Variants in PCDHA3 observed in about 807,000 individuals in gnomAD.
The protein encoded by PCDHA3 is protocadherin alpha-3.
In PCDHA3, 41 loss-of-function variants were observed where a neutral mutation model predicts 62.2. The observed-to-expected ratio is 0.66, with a 90% CI of 0.51 to 0.86. The LOEUF (loss-of-function observed/expected upper bound fraction) is 0.86, where lower values mean the gene tolerates loss of function less well. Among genes scored for constraint, PCDHA3 ranks in the 40% least tolerant of loss-of-function variants. PCDHA3 has a pLI of 0.00. For missense variants in PCDHA3, 1,304 were observed against 1,241.2 expected (o/e 1.05, Z -0.76); for synonymous variants, 640 against 555.4 (o/e 1.15, Z -2.14).
At position 140,857,270 on chromosome 5, in the gene PCDHA3, C is replaced by T. The variant is rs782277671; in HGVS notation, c.2394+53679C>T. On this transcript the variant is annotated intron_variant, in intron 1 of 3. Coordinates refer to ENST00000522353, the MANE Select transcript of PCDHA3 (RefSeq NM_018906.3). ...CTACAAGAATTACTACTCATTGGTG[C>T]TGGACAGCGCTCTGGACCGCGAGAG... 5.0e-6 allele frequency: 8 copies of T among 1,598,754 alleles called. 2 individuals are homozygous for T. The highest frequency in any genetic ancestry group is 4.3e-6 in the Non-Finnish European group (5 of 1,168,052).
At chr5:140,865,351 A>G (rs1452149063) in intron 1 of PCDHA3, 4 of 152,204 alleles carry the variant, frequency 2.6e-5, no homozygotes, top group African/African-American at 7.2e-5. Context: ...GTATATTTAC[A>G]TATTGCAGGA....
At chr5:140,863,363 TG>T (rs1554158141) in intron 1 of PCDHA3, 2 of 1,206,158 alleles carry the variant, frequency 1.7e-6, no homozygotes, top group Non-Finnish European at 1.2e-6. Context: ...CTGCGGTGCT[TG>T]GCGCAGCTCA....
Position 140,850,315 on chromosome 5 carries a change from T to G in PCDHA3, c.2394+46724T>G, listed in dbSNP as rs2150479120. 2.9e-5 allele frequency: 47 copies of G among 1,597,110 alleles called. 5 individuals are homozygous for G. Among genetic ancestry groups the G allele is most frequent in the Non-Finnish European group, 3.9e-5 (45 of 1,167,642 alleles). On this transcript the variant is annotated intron_variant, in intron 1 of 3. Coordinates refer to ENST00000522353, the MANE Select transcript of PCDHA3 (RefSeq NM_018906.3). ...GCCGACTCGGGCTACAACGCGTGGC[T>G]TTCATACGAGCTGCAGCCAGAAACG... is the stretch of plus-strand genomic sequence containing the variant.
chr5:140,924,052 A>G (rs948483906), intron 1 of PCDHA3, among the ~76,000 whole-genome samples: 1 of 152,244 alleles, frequency 6.6e-6, no homozygotes, highest in Non-Finnish European at 1.5e-5. Context: ...AGTTCGGTAC[A>G]TCTTTACAGT....
At chr5:140,948,860 T>C (rs2094315023) in intron 1 of PCDHA3, among the ~76,000 whole-genome samples, 2 of 151,640 alleles carry the variant, frequency 1.3e-5, no homozygotes, top group Non-Finnish European at 3.0e-5. Flanking sequence ...CTTCTTATAT[T>C]ACTTCGGGTT....
intron 1 of PCDHA3, chr5:140,809,188 G>T (rs372654960): frequency 4.8e-5 from 78 of 1,613,914 alleles, no homozygotes; most frequent in Non-Finnish European, 6.4e-5. Context: ...CTGTGCTGGT[G>T]TCACTTGTGG....
intron 1 of PCDHA3, chr5:140,884,652 G>A (rs2060303446): frequency 6.2e-7 from 1 of 1,603,582 alleles, no homozygotes; most frequent in Non-Finnish European, 8.5e-7. Flanking sequence ...GACTCAGAAT[G>A]CTTGAAAGAG....
At chr5:140,821,966 G>A (rs1280808656) in intron 1 of PCDHA3, 5 of 1,614,052 alleles carry the variant, frequency 3.1e-6, no homozygotes, top group Non-Finnish European at 4.2e-6. Context: ...CGCCTGTTCC[G>A]GGTGGCGTCC....
At chr5:141,006,403 C>T (rs2098271999) in intron 3 of PCDHA3, among the ~76,000 whole-genome samples, 1 of 151,934 alleles carries the variant, frequency 6.6e-6, no homozygotes, top group Non-Finnish European at 1.5e-5. Context: ...TTAGTAGAGA[C>T]GCGGTTTCAC....
intron 1 of PCDHA3, chr5:140,830,140 G>A (rs1305649998): frequency 1.2e-6 from 2 of 1,613,352 alleles, no homozygotes; most frequent in Non-Finnish European, 8.5e-7. Context: ...CACGGGCGTC[G>A]GTGGGCGCCG....
chr5:140,928,903 T>C, intron 1 of PCDHA3: 1 of 1,614,190 alleles, frequency 6.2e-7, no homozygotes, highest in Non-Finnish European at 8.5e-7. Flanking sequence ...TGAAGATGTC[T>C]GGGAACCAGG....
At chr5:140,969,162 C>T in intron 1 of PCDHA3, 1 of 1,614,110 alleles carries the variant, frequency 6.2e-7, no homozygotes, top group Non-Finnish European at 8.5e-7. Flanking sequence ...TGTCTGACAG[C>T]AGGCTCAGGG....
chr5:140,868,478 A>AT (rs1444050987), intron 1 of PCDHA3: 1 of 152,364 alleles, frequency 6.6e-6, no homozygotes, highest in Admixed American at 6.5e-5. Context: ...TAAAACTTCA[A>AT]TTTTTTCTTT....
chr5:140,823,389 C>A lies in PCDHA3; in HGVS notation c.2394+19798C>A, dbSNP rs199642773. 1.6e-5 allele frequency: 25 copies of A among 1,612,876 alleles called. No individual in the cohort carries two copies. The highest frequency in any genetic ancestry group is 1.7e-4 in the Middle Eastern group (1 of 5,730). On this transcript the variant is annotated intron_variant, in intron 1 of 3. Coordinates refer to ENST00000522353, the MANE Select transcript of PCDHA3 (RefSeq NM_018906.3). ...TGCAGTTCCAGGTGAGCGCGCGCGACGCGGGCGTGCCGCCTCTGGGCAGCA... is the reference window on the plus strand; with the variant it reads ...TGCAGTTCCAGGTGAGCGCGCGCGAAGCGGGCGTGCCGCCTCTGGGCAGCA...
chr5:140,861,885 C>G (rs2047123718), intron 1 of PCDHA3: 1 of 155,106 alleles, frequency 6.4e-6, no homozygotes, highest in Non-Finnish European at 1.4e-5. Flanking sequence ...GCTGAGCTGA[C>G]AGGCACCAAA....
intron 1 of PCDHA3, chr5:140,836,297 T>A: frequency 1.2e-6 from 2 of 1,613,694 alleles, no homozygotes; most frequent in Non-Finnish European, 1.7e-6. Context: ...GAGCCCTAGA[T>A]GAGACGGACG....
intron 1 of PCDHA3, among the ~76,000 whole-genome samples, chr5:140,972,741 G>T (rs1453484254): frequency 6.9e-6 from 1 of 145,350 alleles, no homozygotes; most frequent in Non-Finnish European, 1.5e-5. Context: ...CCGGCTCACT[G>T]CAACCTCCGC....
At chr5:140,957,725 A>T (rs1385506394) in intron 1 of PCDHA3, among the ~76,000 whole-genome samples, 1 of 152,156 alleles carries the variant, frequency 6.6e-6, no homozygotes, top group Non-Finnish European at 1.5e-5. Context: ...AAAGAAGCAG[A>T]ATTATATATA....
intron 1 of PCDHA3, among the ~76,000 whole-genome samples, chr5:140,915,626 G>C (rs928151112): frequency 6.1e-5 from 9 of 146,436 alleles, no homozygotes; most frequent in East Asian, 4.1e-4. Flanking sequence ...GTCTCTTTCT[G>C]TCTCTCTCTC....
Sources: gnomAD v4.1 joint callset for allele counts (sites outside exome capture counted in the v4.1 genomes callset) on GRCh38, gnomAD v4.1.1 for gene constraint, MANE v1.5 for transcripts, NCBI Gene and HGNC (gene_info 2026-07-23, HGNC 2026-07-21) for gene names.